Variants in CTNNA3 observed in about 807,000 individuals in gnomAD.
CTNNA3 encodes the protein catenin alpha-3.
CTNNA3 carries 76 observed loss-of-function variants against 95.7 expected under a neutral mutation model. The ratio of observed to expected loss-of-function variants is 0.79; its 90% CI spans 0.66 to 0.96. The LOEUF (loss-of-function observed/expected upper bound fraction) is 0.96. Among genes scored for constraint, CTNNA3 ranks in the 40% least tolerant of loss-of-function variants. The probability of loss-of-function intolerance (pLI) is 0.00; values close to 1 mark genes in which losing one functional copy is unlikely to be tolerated. For synonymous variants in CTNNA3, 431 were observed against 374.4 expected, an observed-to-expected ratio of 1.15 and a Z score of -1.74; for missense variants, 1,191 against 1,089.8, an observed-to-expected ratio of 1.09 and a Z score of -1.31.
At chr10:66,368,605 C>T (rs771052765) in intron 12 of CTNNA3, among the ~76,000 whole-genome samples, 1 of 151,936 alleles carries the variant, frequency 6.6e-6, no homozygotes, top group Non-Finnish European at 1.5e-5. Context: ...TACCTTGACT[C>T]AAAGTTATTT....
chr10:65,960,536 A>C (rs570634496), intron 17 of CTNNA3, among the ~76,000 whole-genome samples: 1 of 151,908 alleles, frequency 6.6e-6, no homozygotes, highest in African/African-American at 2.4e-5. Flanking sequence ...ACAACAAAAA[A>C]AAAGATTCAG....
chr10:66,298,592 A>G (rs1157129040), intron 12 of CTNNA3, among the ~76,000 whole-genome samples: 8 of 152,244 alleles, frequency 5.3e-5, no homozygotes, highest in Admixed American at 1.3e-4. Flanking sequence ...ATTTTCTCTC[A>G]GGAAATCACC....
chr10:67,691,187 C>T (rs1840843423), intron 1 of CTNNA3, among the ~76,000 whole-genome samples: 1 of 152,224 alleles, frequency 6.6e-6, no homozygotes, highest in African/African-American at 2.4e-5. Flanking sequence ...GTCTCGTTCA[C>T]TCAGTGCTCA....
At position 67,739,973 on chromosome 10, in the gene CTNNA3, G is replaced by C. The variant is rs1841325842; in HGVS notation, c.-2+23461C>G. 2.6e-5 allele frequency among the ~76,000 whole-genome samples: 4 copies of C among 152,034 alleles called. No individual in the cohort carries two copies. In the South Asian group the frequency reaches 8.3e-4, roughly 32 times the overall value. ...ACCAAAACAGAGATATAGATCAATGGAACAGAACAGAGCCCTCAGAAATAA... is the reference window on the plus strand; with the variant it reads ...ACCAAAACAGAGATATAGATCAATGCAACAGAACAGAGCCCTCAGAAATAA... On this transcript the variant is annotated intron_variant, in intron 1 of 17. Transcript: ENST00000684154.
chr10:67,409,477 A>C (rs2132833535), intron 5 of CTNNA3, among the ~76,000 whole-genome samples: 1 of 152,172 alleles, frequency 6.6e-6, no homozygotes, highest in African/African-American at 2.4e-5. Flanking sequence ...CAGCAAACTA[A>C]TGCAGGAACA....
At chr10:67,331,596 C>G (rs909748489) in intron 5 of CTNNA3, among the ~76,000 whole-genome samples, 1 of 152,116 alleles carries the variant, frequency 6.6e-6, no homozygotes, top group Non-Finnish European at 1.5e-5. Flanking sequence ...TATCACTCAG[C>G]TATTCAAGTG....
At chr10:66,108,115 G>T (rs60504549) in intron 13 of CTNNA3, among the ~76,000 whole-genome samples, 12,901 of 151,990 alleles carry the variant, frequency 0.085, 624 homozygotes, top group East Asian at 0.15. Context: ...AGGTAGTAAC[G>T]TAGGATGATT....
At chr10:66,973,653 T>C (rs1347373465) in intron 7 of CTNNA3, among the ~76,000 whole-genome samples, 2 of 152,118 alleles carry the variant, frequency 1.3e-5, no homozygotes, top group Admixed American at 6.5e-5. Flanking sequence ...CAAGACGGAG[T>C]CTCACTGTCA....
rs1353231787 is a variant in CTNNA3 at position 66,798,212 on chromosome 10, C to T, written c.1048-22688G>A. Among the ~76,000 whole-genome samples, 4 of 151,666 alleles carry T rather than the reference C, an allele frequency of 2.6e-5. No individual in the cohort carries two copies. The Admixed American group carries it at 2.6e-4, about 10-fold the overall frequency. ...TTAGCTAACACATATTATTCAGTCT[C>T]CTCTAAGTGTTTACTAAAATACCCA... On this transcript the variant is annotated intron_variant, in intron 7 of 17. Transcript: ENST00000433211.
At chr10:67,373,368 G>C (rs138396325) in intron 5 of CTNNA3, among the ~76,000 whole-genome samples, 92 of 152,292 alleles carry the variant, frequency 6.0e-4, no homozygotes, top group African/African-American at 2.0e-3. Context: ...AAGATCAAAA[G>C]AGACAAAGAA....
chr10:66,988,966 C>CCTGGGCT (rs1312229100), intron 7 of CTNNA3, among the ~76,000 whole-genome samples: 1 of 151,844 alleles, frequency 6.6e-6, no homozygotes, highest in Non-Finnish European at 1.5e-5. Flanking sequence ...CCGGGTGCTT[C>CCTGGGCT]CTGGGCTTTG....
At chr10:66,306,399 C>T (rs2091934773) in intron 12 of CTNNA3, among the ~76,000 whole-genome samples, 1 of 151,906 alleles carries the variant, frequency 6.6e-6, no homozygotes, top group Admixed American at 6.6e-5. Context: ...AGTGTTACTG[C>T]CAATATAGAA....
At chr10:67,615,400 G>A (rs919778952) in intron 2 of CTNNA3, among the ~76,000 whole-genome samples, 1 of 152,108 alleles carries the variant, frequency 6.6e-6, no homozygotes, top group African/African-American at 2.4e-5. Flanking sequence ...ACTTACTCCT[G>A]GATAAATATA....
chr10:66,887,626 T>C (rs1342029533), intron 7 of CTNNA3, among the ~76,000 whole-genome samples: 1 of 152,086 alleles, frequency 6.6e-6, no homozygotes, highest in Non-Finnish European at 1.5e-5. Flanking sequence ...GTGAGTAAAG[T>C]TATTACTATC....
intron 1 of CTNNA3, among the ~76,000 whole-genome samples, chr10:67,755,819 A>AAG (rs1554881124): frequency 9.6e-5 from 14 of 145,228 alleles, no homozygotes; most frequent in African/African-American, 3.1e-4. Context: ...AAAAAAAAAA[A>AAG]AAAGAAAGAA....
At chr10:66,276,436 A>T (rs1008541316) in intron 13 of CTNNA3, among the ~76,000 whole-genome samples, 1 of 152,054 alleles carries the variant, frequency 6.6e-6, no homozygotes, top group Non-Finnish European at 1.5e-5. Flanking sequence ...AATTTCCTCC[A>T]TTTGTGGTTA....
chr10:65,922,788 C>T (rs2155988), intron 17 of CTNNA3, among the ~76,000 whole-genome samples: 122,005 of 152,068 alleles, frequency 0.8, 49,186 homozygotes, highest in Middle Eastern at 0.87. Flanking sequence ...CACACTACTA[C>T]AAAGATACTA....
In CTNNA3 at chr10:67,750,277, A is replaced by G. The variant is rs978888935; in HGVS notation, c.-2+13157T>C. ...AGTGCTCACTCAGAATCATTTCTGC[A>G]CCAACCATGGCCATCTTTGTGGAGC... is the stretch of plus-strand genomic sequence containing the variant. On this transcript the variant is annotated intron_variant, in intron 1 of 17. Coordinates refer to the CTNNA3 transcript ENST00000684154. 4.6e-6 allele frequency: 7 copies of G among 1,517,846 alleles called. No individual in the cohort carries two copies. In the Admixed American group the frequency reaches 5.0e-5, roughly 11 times the overall value. 94.0% of individuals were successfully genotyped at this position (1,517,846 alleles called of 1,614,324 possible).
intron 5 of CTNNA3, among the ~76,000 whole-genome samples, chr10:67,327,980 G>C (rs1044371056): frequency 6.6e-6 from 1 of 152,166 alleles, no homozygotes; most frequent in Non-Finnish European, 1.5e-5. Flanking sequence ...TCTCTGCAGA[G>C]TGTTACCATA....
Sources: allele counts gnomAD v4.1 joint callset (sites outside exome capture counted in the v4.1 genomes callset), GRCh38; gene constraint gnomAD v4.1.1; transcripts MANE v1.5; gene names NCBI Gene and HGNC (gene_info 2026-07-23, HGNC 2026-07-21).